Variants in ANKS1A observed in about 807,000 individuals in gnomAD.
ANKS1A encodes the protein ankyrin repeat and sterile alpha motif domain containing 1A, also known as ankyrin repeat and SAM domain-containing protein 1A.
In ANKS1A, 55 loss-of-function variants were observed where a neutral mutation model predicts 120.3. That is an observed-to-expected ratio of 0.46 (90% CI 0.37 to 0.57). The LOEUF (loss-of-function observed/expected upper bound fraction) is 0.57. Among genes scored for constraint, ANKS1A ranks in the 20% least tolerant of loss-of-function variants. The probability of loss-of-function intolerance (pLI) is 0.00; values close to 1 mark genes in which losing one functional copy is unlikely to be tolerated. For synonymous variants in ANKS1A, 590 were observed against 604.7 expected (o/e 0.98, Z 0.36); for missense variants, 1,123 against 1,480.3 (o/e 0.76, Z 3.96).
chr6:34,908,419 A>G (rs963186461), intron 1 of ANKS1A, among the ~76,000 whole-genome samples: 7 of 152,198 alleles, frequency 4.6e-5, no homozygotes, highest in African/African-American at 1.7e-4. Context: ...AAGGTTGGCT[A>G]GTGCTGGATC....
chr6:35,083,659 T>C (rs1326124154), intron 20 of ANKS1A, among the ~76,000 whole-genome samples, 156 bp downstream of exon 20: 1 of 152,140 alleles, frequency 6.6e-6, no homozygotes, highest in African/African-American at 2.4e-5. Flanking sequence ...CTAAGAGGCG[T>C]GTCTCTCATC....
chr6:34,934,906 T>C (rs1381131444), intron 1 of ANKS1A, among the ~76,000 whole-genome samples: 1 of 152,264 alleles, frequency 6.6e-6, no homozygotes, highest in Non-Finnish European at 1.5e-5. Context: ...TTTCTAGTTA[T>C]TTCAAACATT....
chr6:35,088,023 C>G (rs1017414455), intron 23 of ANKS1A, among the ~76,000 whole-genome samples: 1 of 152,260 alleles, frequency 6.6e-6, no homozygotes, highest in Non-Finnish European at 1.5e-5. Context: ...CCTCACAGAA[C>G]AGAGCTGCTG....
downstream of ANKS1A, among the ~76,000 whole-genome samples, chr6:35,095,599 AGAAAGAGAGAAAC>A (rs1778445940): frequency 9.5e-6 from 1 of 105,126 alleles, no homozygotes; most frequent in African/African-American, 4.6e-5. Context: ...AAAGAGAGAA[AGAAAGAGAGAAAC>A]AACAAAAAAC....
chr6:35,056,705 C>A (rs1776240999), intron 12 of ANKS1A, among the ~76,000 whole-genome samples: 1 of 152,148 alleles, frequency 6.6e-6, no homozygotes, highest in Non-Finnish European at 1.5e-5. Flanking sequence ...TTTTCTTGAA[C>A]CATCCTCTAT....
chr6:35,052,504 G>A (rs1050882839), intron 11 of ANKS1A, among the ~76,000 whole-genome samples: 3 of 149,258 alleles, frequency 2.0e-5, no homozygotes, highest in South Asian at 2.1e-4. Flanking sequence ...CCTACCTGTC[G>A]TCGTCGTCTT....
chr6:34,902,330 C>A (rs1767393019), intron 1 of ANKS1A, among the ~76,000 whole-genome samples: 2 of 152,002 alleles, frequency 1.3e-5, no homozygotes. Context: ...CTCCCTGCAA[C>A]CTCCACCTGC....
chr6:34,964,368 A>G (rs768026253), intron 1 of ANKS1A, among the ~76,000 whole-genome samples: 68 of 152,186 alleles, frequency 4.5e-4, no homozygotes, highest in Non-Finnish European at 7.9e-4. Context: ...TCTCTTCATC[A>G]TCTGCAGTGC....
chr6:34,919,814 TGTTA>T (rs1162349154), intron 1 of ANKS1A, among the ~76,000 whole-genome samples: 1 of 152,208 alleles, frequency 6.6e-6, no homozygotes, highest in Non-Finnish European at 1.5e-5. Flanking sequence ...TCTTGGCAAC[TGTTA>T]GTTAGCTATT....
chr6:35,090,915 T>C lies in ANKS1A; in HGVS notation c.*2306T>C, dbSNP rs1778269504. ...CGCATAAGACCTTCCCGACAGGCTC[T>C]GCGTGTGCAGCTCTCTGCGTCCCTC... On this transcript the variant is annotated 3_prime_UTR_variant, in exon 24 of 24. Transcript: ENST00000360359. The C allele has an allele frequency of 1.0e-6, 1 of 985,656 alleles. No homozygotes were observed. The allele number at this position is 985,656 out of a possible 1,614,324, so 61.1% of individuals were successfully genotyped here. A position where few individuals can be genotyped will look rare whatever the true frequency, so the allele number is the denominator to read the frequency against.
chr6:34,960,048 C>T (rs999431392), intron 1 of ANKS1A, among the ~76,000 whole-genome samples: 3 of 152,076 alleles, frequency 2.0e-5, no homozygotes, highest in African/African-American at 7.2e-5. Flanking sequence ...TTGTGATGTC[C>T]TCTGGCATCT....
rs975650031 is a variant in ANKS1A, at chr6:34,889,296, C to T, written c.-107C>T. 8.2e-6 allele frequency: 10 copies of T among 1,216,492 alleles called. No individual in the cohort carries two copies. The highest frequency in any genetic ancestry group is 1.6e-5 in the African/African-American group (1 of 63,586). The allele number at this position is 1,216,492 out of a possible 1,614,324, so 75.4% of individuals were successfully genotyped here. A position where few individuals can be genotyped will look rare whatever the true frequency, so the allele number is the denominator to read the frequency against. On this transcript the variant is annotated 5_prime_UTR_variant, in exon 1 of 24. Coordinates refer to ENST00000360359, the MANE Select transcript of ANKS1A (RefSeq NM_015245.3). The surrounding 1 kb of genome is among the most constrained non-coding windows in gnomAD (Gnocchi z 5.5). The stretch of plus-strand genomic sequence containing the variant: ...GGAAAAGGCAGGGAGGGGGTGGTGT[C>T]CCCAGCCGGTTTGGGGGGTGCGTTG...
chr6:35,005,506 G>T (rs1773401562), intron 10 of ANKS1A, among the ~76,000 whole-genome samples: 1 of 152,142 alleles, frequency 6.6e-6, no homozygotes, highest in African/African-American at 2.4e-5. Flanking sequence ...CAACAAGAAA[G>T]ATTAAAATTT....
Position 35,083,473 on chromosome 6 carries a change from A to G in ANKS1A, c.2964A>G (p.Lys988=). The part of the protein sequence containing the change: ...IPTIILSITY[K]GVKFIDASNK... ...CCATCATCCTGTCCATCACATACAAAGGTGTCAAGTTCATCGATGCCTCCA... is the reference window on the plus strand; with the variant it reads ...CCATCATCCTGTCCATCACATACAAGGGTGTCAAGTTCATCGATGCCTCCA... Residue 988 remains lysine, a synonymous_variant, in exon 20 of 24, where the codon AAA becomes AAG. Coordinates refer to ENST00000360359, the MANE Select transcript of ANKS1A (RefSeq NM_015245.3). 6.2e-7 allele frequency: 1 copy of G among 1,614,084 alleles called. No homozygotes were observed. Among genetic ancestry groups the G allele is most frequent in the South Asian group, 1.1e-5 (1 of 91,072 alleles).
chr6:35,021,231 T>A (rs543341254), intron 11 of ANKS1A, among the ~76,000 whole-genome samples: 2 of 152,344 alleles, frequency 1.3e-5, no homozygotes, highest in South Asian at 4.1e-4. Flanking sequence ...CTTGCTGATT[T>A]TTTTCTTTGT....
chr6:35,057,590 C>T lies in ANKS1A; in HGVS notation c.2078-2557C>T, dbSNP rs965635139. Among the ~76,000 whole-genome samples, 6 of 152,288 alleles carry T rather than the reference C, an allele frequency of 3.9e-5. No individual in the cohort carries two copies. Among genetic ancestry groups the T allele is most frequent in the African/African-American group, 1.2e-4 (5 of 41,560 alleles). On this transcript the variant is annotated intron_variant, in intron 12 of 23. Transcript: ENST00000360359. The surrounding 1 kb of genome is among the most constrained non-coding windows in gnomAD (Gnocchi z 4.1). The stretch of plus-strand genomic sequence containing the variant: ...CTGTTTTATCTTTTTGGCCTGTCTC[C>T]ATCTGTACTTGGGATTTGGCCCTGG...
At chr6:35,053,891 G>A (rs1401863900) in intron 11 of ANKS1A, among the ~76,000 whole-genome samples, 8 of 152,210 alleles carry the variant, frequency 5.3e-5, no homozygotes, top group Non-Finnish European at 1.0e-4. Flanking sequence ...ACTCCCTTCA[G>A]AGCAGTACAT....
intron 9 of ANKS1A, among the ~76,000 whole-genome samples, chr6:34,991,442 A>G (rs774254286): frequency 6.6e-6 from 1 of 151,592 alleles, no homozygotes; most frequent in African/African-American, 2.4e-5. Flanking sequence ...CCACACCCCA[A>G]CTGGACATTC....
chr6:35,011,566 A>G (rs1773760684), intron 10 of ANKS1A, among the ~76,000 whole-genome samples: 1 of 152,212 alleles, frequency 6.6e-6, no homozygotes, highest in Non-Finnish European at 1.5e-5. Context: ...GGCTATACCT[A>G]TGGGCCCCAA....
Sources: allele counts gnomAD v4.1 joint callset (sites outside exome capture counted in the v4.1 genomes callset), GRCh38; gene constraint gnomAD v4.1.1; non-coding constraint Gnocchi (gnomAD v3.1); transcripts MANE v1.5; gene names NCBI Gene and HGNC (gene_info 2026-07-23, HGNC 2026-07-21).